Variants in ZFHX3 observed in about 807,000 individuals in gnomAD.
The protein encoded by ZFHX3 is zinc finger homeobox protein 3.
Under a neutral mutation model 279.1 loss-of-function variants are expected in ZFHX3, and 42 were observed. That is an observed-to-expected ratio of 0.15 (90% CI 0.12 to 0.19). The LOEUF is 0.19. Ranked by LOEUF, ZFHX3 falls within the 10% of genes least tolerant of loss-of-function variation. The pLI is 1.00. For missense variants in ZFHX3, 4,981 were observed against 4,754.0 expected (o/e 1.05, Z -1.40); for synonymous variants, 2,293 against 1,957.8 (o/e 1.17, Z -4.52).
chr16:73,460,720 C>G (rs1466227751), intron 2 of ZFHX3, among the ~76,000 whole-genome samples: 1 of 152,202 alleles, frequency 6.6e-6, no homozygotes, highest in Admixed American at 6.5e-5. Context: ...CTAATTGGAT[C>G]ATGAGGGCAG....
At chr16:73,075,241 G>A (rs1444227790) in intron 8 of ZFHX3, among the ~76,000 whole-genome samples, 1 of 149,712 alleles carries the variant, frequency 6.7e-6, no homozygotes, top group Non-Finnish European at 1.5e-5. Context: ...TTAAGCCCAG[G>A]AATTTGAGGC....
chr16:73,027,098 A>T (rs1311944348), intron 1 of ZFHX3, among the ~76,000 whole-genome samples: 2 of 152,224 alleles, frequency 1.3e-5, no homozygotes, highest in Non-Finnish European at 2.9e-5. Flanking sequence ...CACAAATATA[A>T]ATGTCACATA....
At chr16:73,028,234 C>T (rs771156606) in intron 1 of ZFHX3, among the ~76,000 whole-genome samples, 14 of 152,306 alleles carry the variant, frequency 9.2e-5, no homozygotes, top group Non-Finnish European at 1.9e-4. Context: ...TAAGCACCTC[C>T]GAGTCAGACC....
chr16:73,477,864 A>ATC (rs1323333354), intron 2 of ZFHX3, among the ~76,000 whole-genome samples: 2 of 152,226 alleles, frequency 1.3e-5, no homozygotes, highest in African/African-American at 4.8e-5. Flanking sequence ...CTGAACTAGC[A>ATC]TCTCACACAC....
At chr16:73,795,528 T>C (rs1247872984) in intron 1 of ZFHX3, among the ~76,000 whole-genome samples, 1 of 152,154 alleles carries the variant, frequency 6.6e-6, no homozygotes, top group East Asian at 1.9e-4. Flanking sequence ...AAACCCTGAA[T>C]AGAGAACCTT....
chr16:73,150,625 A>G (rs949743424), intron 5 of ZFHX3, among the ~76,000 whole-genome samples: 1 of 152,238 alleles, frequency 6.6e-6, no homozygotes, highest in Non-Finnish European at 1.5e-5. Context: ...CTTGAAAAAC[A>G]TTTACACGTC....
chr16:72,982,962 G>C (rs958169428), intron 1 of ZFHX3, among the ~76,000 whole-genome samples: 1 of 152,218 alleles, frequency 6.6e-6, no homozygotes, highest in South Asian at 2.1e-4. Flanking sequence ...GTTAGGACCA[G>C]TGGGGGTAAC....
chr16:73,715,902 T>G (rs2053410073), intron 1 of ZFHX3, among the ~76,000 whole-genome samples: 1 of 152,132 alleles, frequency 6.6e-6, no homozygotes, highest in African/African-American at 2.4e-5. Flanking sequence ...CTAGGTCTCC[T>G]GGCTCCAAAT....
intron 1 of ZFHX3, among the ~76,000 whole-genome samples, chr16:73,746,946 T>C (rs912104499): frequency 6.6e-6 from 1 of 152,158 alleles, no homozygotes; most frequent in Non-Finnish European, 1.5e-5. Context: ...CATTCTAAAG[T>C]TGAATTTAAA....
intron 3 of ZFHX3, among the ~76,000 whole-genome samples, chr16:73,440,262 C>T (rs1567484778): frequency 6.6e-6 from 1 of 152,124 alleles, no homozygotes; most frequent in Non-Finnish European, 1.5e-5. Flanking sequence ...ACAATCAATA[C>T]CGTGTTACTG....
chr16:73,153,320 C>T (rs866189532), intron 5 of ZFHX3, among the ~76,000 whole-genome samples: 1 of 151,966 alleles, frequency 6.6e-6, no homozygotes, highest in South Asian at 2.1e-4. Flanking sequence ...TGTCTCCCTA[C>T]GTTGCCTAGG....
intron 2 of ZFHX3, among the ~76,000 whole-genome samples, chr16:73,483,825 T>C (rs769961545): frequency 2.6e-5 from 4 of 151,806 alleles, no homozygotes; most frequent in African/African-American, 7.3e-5. Flanking sequence ...CTGCAAATTA[T>C]GAAGAAAAAT....
chr16:72,965,126 G>A (rs1251024500), intron 1 of ZFHX3, among the ~76,000 whole-genome samples: 9 of 152,204 alleles, frequency 5.9e-5, no homozygotes, highest in Admixed American at 3.9e-4. Context: ...CAATCTGCCC[G>A]CCTCGGCCTC....
At chr16:73,104,616 G>C (rs908813798) in intron 7 of ZFHX3, among the ~76,000 whole-genome samples, 1 of 152,142 alleles carries the variant, frequency 6.6e-6, no homozygotes, top group African/African-American at 2.4e-5. Flanking sequence ...GGGGGAGTAC[G>C]TACCACATGA....
chr16:73,300,049 T>A (rs941088066), intron 4 of ZFHX3, among the ~76,000 whole-genome samples: 1 of 152,182 alleles, frequency 6.6e-6, no homozygotes, highest in African/African-American at 2.4e-5. Flanking sequence ...CCTTTGCTAC[T>A]GTTCCTTCCC....
At chr16:73,618,819 G>A (rs1316739143) in intron 2 of ZFHX3, among the ~76,000 whole-genome samples, 3 of 152,086 alleles carry the variant, frequency 2.0e-5, no homozygotes, top group Non-Finnish European at 4.4e-5. Context: ...TTCAATCCTG[G>A]ACATTCATTC....
intron 6 of ZFHX3, among the ~76,000 whole-genome samples, chr16:73,131,276 A>G (rs750269720): frequency 2.6e-5 from 4 of 152,240 alleles, no homozygotes; most frequent in Non-Finnish European, 5.9e-5. Context: ...CATTTAAAAA[A>G]AACAACTGCC....
At chr16:73,631,167 T>C (rs1181948072) in intron 2 of ZFHX3, among the ~76,000 whole-genome samples, 1 of 152,176 alleles carries the variant, frequency 6.6e-6, no homozygotes, top group Non-Finnish European at 1.5e-5. Context: ...AGGTATGAAT[T>C]TTAGGTGTGA....
intron 2 of ZFHX3, among the ~76,000 whole-genome samples, chr16:73,597,007 T>C (rs986530489): frequency 6.6e-6 from 1 of 152,218 alleles, no homozygotes. Flanking sequence ...ATTGATGGTG[T>C]CCACAGTCTG....
Sources: gnomAD v4.1 joint callset for allele counts (sites outside exome capture counted in the v4.1 genomes callset) on GRCh38, gnomAD v4.1.1 for gene constraint, MANE v1.5 for transcripts, NCBI Gene and HGNC (gene_info 2026-07-23, HGNC 2026-07-21) for gene names.